Variants in MAP7 observed in about 807,000 individuals in gnomAD.
MAP7 encodes microtubule associated protein 7, also known as ensconsin.
A neutral mutation model predicts 94.8 loss-of-function variants in MAP7; 52 were observed. That is an observed-to-expected ratio of 0.55 (90% confidence interval 0.44 to 0.69). The LOEUF (loss-of-function observed/expected upper bound fraction) is 0.69. MAP7 is among the 30% of genes least tolerant of loss of function. The pLI, the probability that MAP7 is intolerant of heterozygous loss-of-function variation, is 0.00. For synonymous variants in MAP7, 350 were observed against 357.0 expected (o/e 0.98, Z 0.22); for missense variants, 940 against 964.6 (o/e 0.97, Z 0.34).
intron 1 of MAP7, among the ~76,000 whole-genome samples, chr6:136,443,591 C>T (rs1030113226): frequency 1.6e-4 from 25 of 151,844 alleles, no homozygotes; most frequent in African/African-American, 6.1e-4. Context: ...GCTGGGACTA[C>T]AAGTGCACAC....
chr6:136,497,489 C>T (rs1268400662), intron 1 of MAP7, among the ~76,000 whole-genome samples: 11 of 150,806 alleles, frequency 7.3e-5, no homozygotes, highest in Admixed American at 6.6e-4. Flanking sequence ...ATATTCCCTG[C>T]ATTTTTCCTC....
intron 1 of MAP7, among the ~76,000 whole-genome samples, chr6:136,478,274 G>T (rs1811568439): frequency 6.6e-6 from 1 of 151,950 alleles, no homozygotes; most frequent in Non-Finnish European, 1.5e-5. Flanking sequence ...TAGAAGAAAA[G>T]AAATTAGGGC....
At chr6:136,393,930 A>G (rs1333672991) in intron 3 of MAP7, among the ~76,000 whole-genome samples, 1 of 149,294 alleles carries the variant, frequency 6.7e-6, no homozygotes, top group Non-Finnish European at 1.5e-5. Context: ...CTGAGCCCCA[A>G]CGCCTGGCCT....
intron 1 of MAP7, among the ~76,000 whole-genome samples, chr6:136,543,165 C>T (rs1829460843): frequency 6.6e-6 from 1 of 152,198 alleles, no homozygotes; most frequent in Non-Finnish European, 1.5e-5. Flanking sequence ...TAAGTGTTTA[C>T]AGCAGCATTA....
At chr6:136,355,593 C>T (rs779974582) in intron 16 of MAP7, among the ~76,000 whole-genome samples, 9 of 150,626 alleles carry the variant, frequency 6.0e-5, no homozygotes, top group Non-Finnish European at 1.0e-4. Flanking sequence ...TATAAAATTA[C>T]ATTATAAAAT....
At position 136,477,071 on chromosome 6, in the gene MAP7, T is replaced by C. The variant is rs565835683; in HGVS notation, c.68-55272A>G. ...GAATATTTACATGGTTTCAAAATAA[T>C]TCCTCATAAGATACTTACTAACTGA... On this transcript the variant is annotated intron_variant, in intron 1 of 17. Transcript: ENST00000354570. Among the ~76,000 whole-genome samples, 3 of 152,316 alleles carry C rather than the reference T, an allele frequency of 2.0e-5. No homozygotes were observed. In the South Asian group the frequency reaches 6.2e-4, roughly 32 times the overall value.
chr6:136,452,055 A>T (rs542988611), intron 1 of MAP7, among the ~76,000 whole-genome samples: 68 of 152,256 alleles, frequency 4.5e-4, no homozygotes, highest in African/African-American at 1.6e-3. Flanking sequence ...TTAGCCGGGC[A>T]TGGTGGCACA....
At chr6:136,518,413 T>A (rs1037221853) in intron 1 of MAP7, among the ~76,000 whole-genome samples, 12 of 152,192 alleles carry the variant, frequency 7.9e-5, no homozygotes, top group Admixed American at 2.6e-4. Flanking sequence ...ACAGTTGGCA[T>A]AAATGTCAAA....
intron 12 of MAP7, 68 bp downstream of exon 12, chr6:136,360,937 C>T (rs184776483): frequency 6.5e-7 from 1 of 1,548,332 alleles, no homozygotes; most frequent in Non-Finnish European, 8.7e-7. Context: ...AGTCCGCACC[C>T]TCCTCTGCTG....
intron 5 of MAP7, among the ~76,000 whole-genome samples, chr6:136,386,969 C>A (rs1311320810): frequency 2.6e-5 from 4 of 152,068 alleles, no homozygotes; most frequent in African/African-American, 4.8e-5. Flanking sequence ...TGCCACCATG[C>A]CTGTCTAATT....
chr6:136,505,802 T>C (rs1206743314), intron 1 of MAP7, among the ~76,000 whole-genome samples: 2 of 152,108 alleles, frequency 1.3e-5, no homozygotes, highest in African/African-American at 4.8e-5. Context: ...TCTAATAATT[T>C]ATATATAGGA....
intron 1 of MAP7, among the ~76,000 whole-genome samples, chr6:136,436,248 T>C (rs1231809482): frequency 2.6e-5 from 4 of 152,234 alleles, no homozygotes; most frequent in African/African-American, 9.6e-5. Context: ...TACTTTTGGA[T>C]AAACTATTCA....
chr6:136,396,993 T>C (rs1196669934), intron 3 of MAP7, among the ~76,000 whole-genome samples: 1 of 152,200 alleles, frequency 6.6e-6, no homozygotes, highest in Non-Finnish European at 1.5e-5. Context: ...CCCCAAATAA[T>C]CTTTTAAAGG....
intron 1 of MAP7, among the ~76,000 whole-genome samples, chr6:136,507,145 GC>G (rs1171440324): frequency 2.0e-5 from 3 of 151,956 alleles, no homozygotes; most frequent in African/African-American, 7.3e-5. Context: ...TTTAACAGGG[GC>G]TATAAGAAAA....
intron 1 of MAP7, among the ~76,000 whole-genome samples, chr6:136,445,989 G>C (rs924881823): frequency 6.6e-6 from 1 of 152,124 alleles, no homozygotes; most frequent in Admixed American, 6.5e-5. Flanking sequence ...ACACCAGCTG[G>C]GTATCTTCTA....
At chr6:136,417,484 A>G (rs765400861) in intron 2 of MAP7, among the ~76,000 whole-genome samples, 2 of 152,232 alleles carry the variant, frequency 1.3e-5, no homozygotes, top group Admixed American at 6.5e-5. Flanking sequence ...ATATGTAACA[A>G]CTACTGTTTC....
chr6:136,362,461 T>TTCCTGC lies in MAP7; in HGVS notation c.1509_1514dup (p.Gln504_Glu505dup). 1 of 1,614,056 alleles carries TTCCTGC rather than the reference T, an allele frequency of 6.2e-7. No homozygotes were observed. Among genetic ancestry groups the TTCCTGC allele is most frequent in the African/African-American group, 1.3e-5 (1 of 75,050 alleles). On this transcript the variant is annotated inframe_insertion, in exon 11 of 18. Transcript: ENST00000354570. ...TGTCTCCCATTTACCTTTCAAGCTC[T>TTCCTGC]TCCTGCTCCCTCCTCTCCCTTTCTT...
intron 15 of MAP7, among the ~76,000 whole-genome samples, chr6:136,357,742 C>T (rs1275234232): frequency 6.6e-6 from 1 of 152,196 alleles, no homozygotes; most frequent in African/African-American, 2.4e-5. Flanking sequence ...ATCCTCCTGC[C>T]TCAGCCTCCC....
chr6:136,545,519 T>C (rs1829662397), intron 1 of MAP7: 1 of 152,262 alleles, frequency 6.6e-6, no homozygotes, highest in South Asian at 2.1e-4. Flanking sequence ...CCCACTACCC[T>C]ACCCCAGAAA....
Sources: allele counts gnomAD v4.1 joint callset (sites outside exome capture counted in the v4.1 genomes callset), GRCh38; gene constraint gnomAD v4.1.1; transcripts MANE v1.5; gene names NCBI Gene and HGNC (gene_info 2026-07-23, HGNC 2026-07-21).